SLC9A9: variants seen among roughly 807,000 people sequenced by gnomAD.
SLC9A9 encodes the protein sodium/hydrogen exchanger 9.
A neutral mutation model predicts 77.8 loss-of-function variants in SLC9A9; 62 were observed. The observed-to-expected ratio is 0.80, with a 90% CI of 0.65 to 0.98. SLC9A9 has a LOEUF of 0.98. Ranked by LOEUF, SLC9A9 falls within the 50% of genes least tolerant of loss-of-function variation. The probability of loss-of-function intolerance (pLI) is 0.00; values close to 1 mark genes in which losing one functional copy is unlikely to be tolerated. For missense variants in SLC9A9, 775 were observed against 774.9 expected, an observed-to-expected ratio of 1.00 and a Z score of 0.00; for synonymous variants, 320 against 283.5, an observed-to-expected ratio of 1.13 and a Z score of -1.29.
chr3:143,524,432 T>G (rs1189693572), intron 9 of SLC9A9, among the ~76,000 whole-genome samples: 1 of 152,086 alleles, frequency 6.6e-6, no homozygotes, highest in Non-Finnish European at 1.5e-5. Flanking sequence ...ATAGAGAATA[T>G]GCAGAGAGAG....
chr3:143,454,971 A>G (rs1368395357), intron 12 of SLC9A9, among the ~76,000 whole-genome samples: 2 of 152,202 alleles, frequency 1.3e-5, no homozygotes, highest in Non-Finnish European at 2.9e-5. Flanking sequence ...AAAAAGGTTC[A>G]TGTGATTAAG....
At chr3:143,680,718 G>T (rs1456061087) in intron 5 of SLC9A9, among the ~76,000 whole-genome samples, 1 of 152,022 alleles carries the variant, frequency 6.6e-6, no homozygotes, top group Non-Finnish European at 1.5e-5. Context: ...AACAAAAATG[G>T]CAGCTTTATT....
At chr3:143,303,352 G>A (rs2030617608) in intron 14 of SLC9A9, among the ~76,000 whole-genome samples, 1 of 151,838 alleles carries the variant, frequency 6.6e-6, no homozygotes, top group East Asian at 1.9e-4. Context: ...TGTTCCAGGT[G>A]GGTTTTTTTC....
rs143879314 is a variant in SLC9A9, at chr3:143,561,771, C to T, written c.1001-9321G>A. ...CTCTTAAGTAAACATAAGGTTTTGC[C>T]ATAAATATTAGGAGATGAAAGGAAG... On this transcript the variant is annotated intron_variant, in intron 8 of 15. Transcript: ENST00000316549. Among the ~76,000 whole-genome samples the T allele has an allele frequency of 3.3e-5, 5 of 152,172 alleles. No individual in the cohort carries two copies. In the East Asian group the frequency reaches 7.7e-4, roughly 24 times the overall value.
intron 5 of SLC9A9, among the ~76,000 whole-genome samples, chr3:143,680,489 T>C (rs1933051416): frequency 6.6e-6 from 1 of 152,212 alleles, no homozygotes; most frequent in Non-Finnish European, 1.5e-5. Flanking sequence ...TTTGTTCATA[T>C]CTTGTTTTAC....
At chr3:143,527,891 G>C (rs2036431692) in intron 9 of SLC9A9, among the ~76,000 whole-genome samples, 1 of 152,174 alleles carries the variant, frequency 6.6e-6, no homozygotes, top group African/African-American at 2.4e-5. Context: ...TTGATGTCAA[G>C]AACTGGGTAG....
chr3:143,517,840 G>T, intron 9 of SLC9A9: 1 of 1,601,240 alleles, frequency 6.2e-7, no homozygotes, highest in Non-Finnish European at 8.5e-7. Context: ...TGGCTTTCTG[G>T]AGTTCACCAT....
In SLC9A9 at chr3:143,578,618, T is replaced by G. The variant is rs151096476; in HGVS notation, c.861A>C (p.Ala287=). 9.8e-4 allele frequency: 1,589 copies of G among 1,614,060 alleles called. 7 individuals carry two copies. The African/African-American group carries it at 0.018, about 18-fold the overall frequency. ...NFLGIFAGSF[A]MGSAYAIITA... is the part of the protein sequence containing the mutation. ...TGATGATGGCATACGCAGACCCCATTGCAAATGAGCCAGCGAAGATTCCCA... is the reference window on the plus strand; with the variant it reads ...TGATGATGGCATACGCAGACCCCATGGCAAATGAGCCAGCGAAGATTCCCA... Residue 287 remains alanine, a synonymous_variant, in exon 7 of 16, where the codon GCA becomes GCC. Transcript: ENST00000316549.
intron 13 of SLC9A9, chr3:143,381,829 C>T: frequency 1.8e-6 from 1 of 547,926 alleles, no homozygotes; most frequent in East Asian, 3.2e-5. Context: ...TTCCAGACTT[C>T]CTGCTGCCAT....
chr3:143,508,607 T>A (rs1022970011), intron 9 of SLC9A9, among the ~76,000 whole-genome samples: 1 of 152,228 alleles, frequency 6.6e-6, no homozygotes, highest in African/African-American at 2.4e-5. Flanking sequence ...ACTTTCTGAA[T>A]TCGGTAGTTT....
intron 14 of SLC9A9, among the ~76,000 whole-genome samples, chr3:143,336,434 C>A (rs534016841): frequency 1.8e-4 from 27 of 152,246 alleles, no homozygotes. Context: ...AAGATATTTG[C>A]ACACCGGTGT....
chr3:143,280,773 G>A (rs1044598979), intron 14 of SLC9A9, among the ~76,000 whole-genome samples: 2 of 151,914 alleles, frequency 1.3e-5, no homozygotes, highest in South Asian at 2.1e-4. Flanking sequence ...GGCTGGTCTC[G>A]AACTCCTGAC....
At chr3:143,596,978 T>C (rs1227480677) in intron 6 of SLC9A9, among the ~76,000 whole-genome samples, 3 of 152,194 alleles carry the variant, frequency 2.0e-5, no homozygotes, top group Non-Finnish European at 2.9e-5. Flanking sequence ...TATGAGGTCT[T>C]AAACATATGT....
chr3:143,681,109 A>C (rs1421358867), intron 5 of SLC9A9, among the ~76,000 whole-genome samples: 1 of 152,202 alleles, frequency 6.6e-6, no homozygotes, highest in Non-Finnish European at 1.5e-5. Context: ...TTTGAACCTA[A>C]GAGTGATAAC....
intron 12 of SLC9A9, among the ~76,000 whole-genome samples, chr3:143,464,892 T>G (rs2035258086): frequency 1.3e-5 from 2 of 152,214 alleles, no homozygotes; most frequent in South Asian, 4.1e-4. Flanking sequence ...TGCCCACAAA[T>G]CTATGAACTT....
chr3:143,511,072 G>A (rs2036108212), intron 9 of SLC9A9, among the ~76,000 whole-genome samples: 1 of 152,192 alleles, frequency 6.6e-6, no homozygotes. Context: ...TGGGGGTGCA[G>A]AAGATCGAGA....
intron 6 of SLC9A9, among the ~76,000 whole-genome samples, chr3:143,632,672 T>C (rs1054608319): frequency 7.2e-5 from 11 of 152,200 alleles, no homozygotes; most frequent in Non-Finnish European, 8.8e-5. Flanking sequence ...TGGTTAGTAA[T>C]TTGGAACTTA....
At chr3:143,536,208 A>G (rs2036586568) in intron 9 of SLC9A9, among the ~76,000 whole-genome samples, 1 of 152,226 alleles carries the variant, frequency 6.6e-6, no homozygotes, top group Non-Finnish European at 1.5e-5. Context: ...TTTTGACTCA[A>G]TAGAGATGAA....
chr3:143,287,384 T>C (rs1051449593), intron 14 of SLC9A9, among the ~76,000 whole-genome samples: 1 of 152,004 alleles, frequency 6.6e-6, no homozygotes, highest in African/African-American at 2.4e-5. Flanking sequence ...AAAAGTGCTA[T>C]GGACAAGAAG....
Sources: allele counts gnomAD v4.1 joint callset (sites outside exome capture counted in the v4.1 genomes callset), GRCh38; gene constraint gnomAD v4.1.1; transcripts MANE v1.5; gene names NCBI Gene and HGNC (gene_info 2026-07-23, HGNC 2026-07-21).